The following DBT variants were observed in gnomAD, a reference collection of about 807,000 sequenced individuals.
DBT encodes dihydrolipoamide branched chain transacylase E2, also known as lipoamide acyltransferase component of branched-chain alpha-keto acid dehydrogenase complex, mitochondrial.
Under a neutral mutation model 51.3 loss-of-function variants are expected in DBT, and 40 were observed. The ratio of observed to expected loss-of-function variants is 0.78; its 90% confidence interval spans 0.61 to 1.02. The LOEUF (loss-of-function observed/expected upper bound fraction) is 1.02. Ranked by LOEUF, DBT falls within the 50% of genes least tolerant of loss-of-function variation. The pLI, the probability that DBT is intolerant of heterozygous loss-of-function variation, is 0.00. For synonymous variants in DBT, 181 were observed against 190.4 expected, an observed-to-expected ratio of 0.95 and a Z score of 0.41; for missense variants, 510 against 580.2, an observed-to-expected ratio of 0.88 and a Z score of 1.24.
At chr1:100,227,495 G>A (rs1328763673) in intron 4 of DBT, among the ~76,000 whole-genome samples, 2 of 152,168 alleles carry the variant, frequency 1.3e-5, no homozygotes, top group Non-Finnish European at 2.9e-5. Flanking sequence ...TTAAAGGAAT[G>A]ACAAAATCCA....
rs367654165 is a variant in DBT at position 100,211,387 on chromosome 1, T to A, written c.940-616A>T. On this transcript the variant is annotated intron_variant, in intron 7 of 10. Transcript: ENST00000370132. ...CTGTCCATATTCAGATTTCCCTAAC[T>A]GTACCCAAAATGTTCTTGATAATCT... 3.9e-5 allele frequency among the ~76,000 whole-genome samples: 6 copies of A among 152,360 alleles called. No homozygotes were observed. In the East Asian group the frequency reaches 9.6e-4, roughly 24 times the overall value.
intron 3 of DBT, among the ~76,000 whole-genome samples, chr1:100,231,383 T>C (rs1557956969): frequency 6.6e-6 from 1 of 152,190 alleles, no homozygotes; most frequent in African/African-American, 2.4e-5. Flanking sequence ...CTAAAATTAT[T>C]TTAGCCTGTT....
At position 100,214,939 on chromosome 1, in the gene DBT, T is replaced by C. The variant is rs1199576977; in HGVS notation, c.817A>G (p.Ile273Val). The change falls in exon 7 of 11, where the codon ATA (isoleucine) becomes GTA (valine). Residue 273 changes from isoleucine (I) to valine (V), a missense_variant. Ile to Val is a conservative substitution (Grantham distance 29, BLOSUM62 3). Coordinates refer to ENST00000370132, the MANE Select transcript of DBT (RefSeq NM_001918.5). ...MVKTMSAALK[I>V]PHFGYCDEID... ...TCATCACAATAACCAAAATGAGGTA[T>C]CTTCAGGGCTGCAGACATAGTCTTG... The C allele has an allele frequency of 6.2e-7, 1 of 1,612,748 alleles. No individual in the cohort carries two copies. The highest frequency in any genetic ancestry group is 8.5e-7 in the Non-Finnish European group (1 of 1,178,854).
rs561947973 is a variant in DBT at position 100,227,979 on chromosome 1, G to A, written c.433+2754C>T. Among the ~76,000 whole-genome samples the A allele has an allele frequency of 3.3e-5, 5 of 152,220 alleles. No homozygotes were observed. In the East Asian group the frequency reaches 9.7e-4, roughly 29 times the overall value. On this transcript the variant is annotated intron_variant, in intron 4 of 10. Transcript: ENST00000370132. ...TTCTGTCTCAGCCTCCCGAGTAGGTGAGATTACAGGCATGTGCCACCACAC... is the reference window on the plus strand; with the variant it reads ...TTCTGTCTCAGCCTCCCGAGTAGGTAAGATTACAGGCATGTGCCACCACAC...
chr1:100,241,366 TTGTGTGTG>T (rs58256713), intron 1 of DBT, among the ~76,000 whole-genome samples: 87,584 of 143,918 alleles, frequency 0.61, 27,414 homozygotes, highest in East Asian at 0.87. Flanking sequence ...CTGAAAGGTA[TTGTGTGTG>T]TGTGTGTGTG....
At position 100,189,094 on chromosome 1, in the gene DBT, G is replaced by T. The variant is rs1226740199; in HGVS notation, c.*7161C>A. The T allele has an allele frequency of 6.6e-6, 1 of 152,192 alleles. No individual in the cohort carries two copies. Among genetic ancestry groups the T allele is most frequent in the Non-Finnish European group, 1.5e-5 (1 of 68,056 alleles). 9.4% of individuals were successfully genotyped at this position (152,192 alleles called of 1,614,324 possible). A position where few individuals can be genotyped will look rare whatever the true frequency, so the allele number is the denominator to read the frequency against. On this transcript the variant is annotated 3_prime_UTR_variant, in exon 11 of 11. Coordinates refer to ENST00000370132, the MANE Select transcript of DBT (RefSeq NM_001918.5). ...CGTGGCTCATGCCTGTAATCCCAAA[G>T]CTTTGTGAGGTGGAGGCGGGCAGAT...
intron 10 of DBT, among the ~76,000 whole-genome samples, chr1:100,200,021 C>T (rs1407933394): frequency 6.6e-6 from 1 of 152,034 alleles, no homozygotes; most frequent in African/African-American, 2.4e-5. Flanking sequence ...TTTTCATACC[C>T]CAGTGATGCC....
intron 1 of DBT, among the ~76,000 whole-genome samples, chr1:100,246,107 C>T (rs990480355): frequency 6.6e-6 from 1 of 151,760 alleles, no homozygotes; most frequent in Admixed American, 6.6e-5. Context: ...ATTAAAAATA[C>T]AAAAATTAGC....
At chr1:100,224,741 G>A (rs1663068427) in intron 4 of DBT, among the ~76,000 whole-genome samples, 1 of 151,988 alleles carries the variant, frequency 6.6e-6, no homozygotes, top group African/African-American at 2.4e-5. Flanking sequence ...CTGAGGCTGG[G>A]CATGGTAGCT....
Position 100,191,834 on chromosome 1 carries a change from G to A in DBT, c.*4421C>T, listed in dbSNP as rs1299328901. The A allele has an allele frequency of 1.3e-5, 2 of 151,962 alleles. No individual in the cohort carries two copies. Among genetic ancestry groups the A allele is most frequent in the Non-Finnish European group, 1.5e-5 (1 of 68,364 alleles). The allele number at this position is 151,962 out of a possible 1,614,324, so 9.4% of individuals were successfully genotyped here. On this transcript the variant is annotated 3_prime_UTR_variant, in exon 11 of 11. Coordinates refer to ENST00000370132, the MANE Select transcript of DBT (RefSeq NM_001918.5). Reference sequence around the variant, plus strand: ...GAGTCTTGCTCTGTCGCCCAGGCTGGAGCGCAATGGCACAATCTCAGCTCA... The same window carrying A: ...GAGTCTTGCTCTGTCGCCCAGGCTGAAGCGCAATGGCACAATCTCAGCTCA...
chr1:100,239,660 C>T (rs1197699098), intron 2 of DBT, among the ~76,000 whole-genome samples: 2 of 151,828 alleles, frequency 1.3e-5, no homozygotes, highest in Non-Finnish European at 2.9e-5. Flanking sequence ...CTCTTGAATC[C>T]AGGAGTTTTA....
At chr1:100,214,351 A>G (rs193169637) in intron 7 of DBT, among the ~76,000 whole-genome samples, 1 of 152,340 alleles carries the variant, frequency 6.6e-6, no homozygotes, top group Admixed American at 6.5e-5. Flanking sequence ...ATAATTTCCT[A>G]TTGAACAAAG....
At chr1:100,241,808 G>A (rs1254174931) in intron 1 of DBT, among the ~76,000 whole-genome samples, 1 of 152,104 alleles carries the variant, frequency 6.6e-6, no homozygotes, top group Non-Finnish European at 1.5e-5. Flanking sequence ...CACGAGGTAG[G>A]GAGTTAAAGA....
Position 100,215,061 on chromosome 1 carries a change from A to G in DBT, c.773-78T>C, listed in dbSNP as rs897872597. 17 of 1,009,684 alleles carry G rather than the reference A, an allele frequency of 1.7e-5. No homozygotes were observed. In the South Asian group the frequency reaches 2.0e-4, roughly 12 times the overall value. 62.5% of individuals were successfully genotyped at this position (1,009,684 alleles called of 1,614,324 possible). On this transcript the variant is annotated intron_variant, in intron 6 of 10. Transcript: ENST00000370132. ...CCTTTTTTTTTTTTTTAAAGAAACT[A>G]AAATGGAAGGTTCTCTAATGTCTTT...
At chr1:100,200,464 T>C (rs939716972) in intron 10 of DBT, among the ~76,000 whole-genome samples, 1 of 152,114 alleles carries the variant, frequency 6.6e-6, no homozygotes, top group Non-Finnish European at 1.5e-5. Context: ...GGGGAAGGGG[T>C]GGCTGTGGGC....
chr1:100,200,462 G>A (rs1484800247), intron 10 of DBT, among the ~76,000 whole-genome samples: 1 of 152,194 alleles, frequency 6.6e-6, no homozygotes, highest in Non-Finnish European at 1.5e-5. Flanking sequence ...TGGGGGAAGG[G>A]GTGGCTGTGG....
intron 7 of DBT, 110 bp from the exon 8 acceptor site, chr1:100,210,881 C>G (rs1283473002): frequency 1.3e-6 from 2 of 1,563,742 alleles, no homozygotes; most frequent in East Asian, 2.3e-5. Context: ...CTTATTTATG[C>G]TGAGTTTAAT....
At chr1:100,219,425 GATCAAATGTAAGATAAATTATATGAAAGA>G (rs1662707540) in intron 4 of DBT, among the ~76,000 whole-genome samples, 1 of 151,936 alleles carries the variant, frequency 6.6e-6, no homozygotes, top group Admixed American at 6.6e-5. Flanking sequence ...ACGGAATAAG[GATCAAATGTAAGATAAATTATATGAAAGA>G]ATGGGCTGGG....
rs1164796086 is a variant in DBT at position 100,220,316 on chromosome 1, G to A, written c.434-1569C>T. Among the ~76,000 whole-genome samples the A allele has an allele frequency of 3.3e-5, 5 of 152,136 alleles. No homozygotes were observed. The East Asian group carries it at 9.6e-4, about 29-fold the overall frequency. On this transcript the variant is annotated intron_variant, in intron 4 of 10. Transcript: ENST00000370132. ...GAGCACTTAATTGTCAAATTCTGCT[G>A]TTAGGAAATCAGTGATGTATACATA...
Sources: allele counts gnomAD v4.1 joint callset (sites outside exome capture counted in the v4.1 genomes callset), GRCh38; gene constraint gnomAD v4.1.1; transcripts MANE v1.5; gene names NCBI Gene and HGNC (gene_info 2026-07-23, HGNC 2026-07-21).